BMAL2: variants seen among roughly 807,000 people sequenced by gnomAD.
The protein encoded by BMAL2 is basic helix-loop-helix ARNT like 2.
chr12:27,397,198 G>C, the BMAL2 span, among the ~76,000 whole-genome samples: 12 of 152,124 alleles, frequency 7.9e-5, no homozygotes, highest in African/African-American at 2.9e-4. Context: ...AGCCTCCCAA[G>C]TAACTGGGAC....
the BMAL2 span, among the ~76,000 whole-genome samples, chr12:27,419,183 T>C: frequency 6.6e-6 from 1 of 152,218 alleles, no homozygotes; most frequent in Admixed American, 6.5e-5. Context: ...ATTTTAACAA[T>C]GTTTATGCAA....
chr12:27,363,027 A>G, the BMAL2 span, among the ~76,000 whole-genome samples: 1 of 152,078 alleles, frequency 6.6e-6, no homozygotes, highest in Admixed American at 6.6e-5. Flanking sequence ...CTGGTCTCAA[A>G]CTTCTGGCCT....
the BMAL2 span, chr12:27,400,720 C>T: frequency 2.5e-6 from 4 of 1,613,034 alleles, no homozygotes; most frequent in South Asian, 2.2e-5. Flanking sequence ...GTGAAACCAA[C>T]TGAATTTATA....
At chr12:27,333,783 C>A in the BMAL2 span, among the ~76,000 whole-genome samples, 1 of 152,216 alleles carries the variant, frequency 6.6e-6, no homozygotes, top group Non-Finnish European at 1.5e-5. Context: ...TTAGCTTGTT[C>A]GATTATGTAT....
the BMAL2 span, among the ~76,000 whole-genome samples, chr12:27,392,344 C>G: frequency 6.6e-6 from 1 of 152,162 alleles, no homozygotes; most frequent in African/African-American, 2.4e-5. Flanking sequence ...TGGAAATAGT[C>G]CACCTAAACT....
At chr12:27,333,147 G>C in the BMAL2 span, 8 of 1,202,360 alleles carry the variant, frequency 6.7e-6, no homozygotes, top group Non-Finnish European at 8.3e-6. Context: ...GTGGGCGCGC[G>C]GCGTCTGACG....
At chr12:27,339,628 C>CT in the BMAL2 span, among the ~76,000 whole-genome samples, 6,112 of 144,520 alleles carry the variant, frequency 0.042, 143 homozygotes, top group Non-Finnish European at 0.062. Flanking sequence ...ACTTTTTGAC[C>CT]TTTTTTTTTT....
the BMAL2 span, among the ~76,000 whole-genome samples, chr12:27,367,693 C>G: frequency 6.6e-6 from 1 of 151,856 alleles, no homozygotes; most frequent in Non-Finnish European, 1.5e-5. Flanking sequence ...TTAATTAATA[C>G]TTGAGTGTAC....
chr12:27,423,092 C>T, the BMAL2 span: 1 of 152,162 alleles, frequency 6.6e-6, no homozygotes, highest in African/African-American at 2.4e-5. Context: ...AAATCTAATC[C>T]ATGCATTGTA....
chr12:27,390,128 G>A, the BMAL2 span: 1 of 1,613,900 alleles, frequency 6.2e-7, no homozygotes, highest in Non-Finnish European at 8.5e-7. Flanking sequence ...TCTCCACGCT[G>A]GAAGGACACG....
chr12:27,334,170 C>T, the BMAL2 span, among the ~76,000 whole-genome samples: 9 of 152,316 alleles, frequency 5.9e-5, no homozygotes, highest in South Asian at 2.1e-4. Flanking sequence ...TATTCGTAGT[C>T]TTAGGTAAAC....
chr12:27,357,934 T>A, the BMAL2 span, among the ~76,000 whole-genome samples: 1 of 152,076 alleles, frequency 6.6e-6, no homozygotes, highest in Non-Finnish European at 1.5e-5. Flanking sequence ...AGAAAAACCC[T>A]TCTAGACATT....
At chr12:27,415,000 A>C in the BMAL2 span, among the ~76,000 whole-genome samples, 1 of 152,210 alleles carries the variant, frequency 6.6e-6, no homozygotes, top group Admixed American at 6.5e-5. Flanking sequence ...CATCTCTCTT[A>C]TGTGCAGAAT....
the BMAL2 span, among the ~76,000 whole-genome samples, chr12:27,372,079 A>C: frequency 6.6e-6 from 1 of 152,150 alleles, no homozygotes; most frequent in Non-Finnish European, 1.5e-5. Flanking sequence ...AAATACAAAA[A>C]AATTAGCCAG....
chr12:27,376,196 G>A, the BMAL2 span: 1 of 638,950 alleles, frequency 1.6e-6, no homozygotes, highest in African/African-American at 1.8e-5. Flanking sequence ...AATCATTTCA[G>A]GTCATTAGGT....
chr12:27,361,539 A>G, the BMAL2 span, among the ~76,000 whole-genome samples: 4 of 152,230 alleles, frequency 2.6e-5, no homozygotes, highest in Admixed American at 2.0e-4. Flanking sequence ...ATTAAGTCAT[A>G]TACTTCCAAA....
At chr12:27,418,040 TTA>T in the BMAL2 span, 1 of 1,201,304 alleles carries the variant, frequency 8.3e-7, no homozygotes, top group South Asian at 1.4e-5. Flanking sequence ...AAGAGTGTCC[TTA>T]TTCTAGTAGG....
chr12:27,400,330 A>G, the BMAL2 span, among the ~76,000 whole-genome samples: 1 of 152,212 alleles, frequency 6.6e-6, no homozygotes, highest in Non-Finnish European at 1.5e-5. Context: ...TTAGTTCCTG[A>G]GAAAAATAAT....
chr12:27,383,464 G>A, the BMAL2 span, among the ~76,000 whole-genome samples: 1 of 152,138 alleles, frequency 6.6e-6, no homozygotes, highest in African/African-American at 2.4e-5. Context: ...GAACACCATG[G>A]CATGCATTTA....
Sources: gnomAD v4.1 joint callset for allele counts (sites outside exome capture counted in the v4.1 genomes callset) on GRCh38, gnomAD v4.1.1 for gene constraint, MANE v1.5 for transcripts, NCBI Gene and HGNC (gene_info 2026-07-23, HGNC 2026-07-21) for gene names.